MAF: variants seen among roughly 807,000 people sequenced by gnomAD.
MAF encodes the protein transcription factor Maf.
A neutral mutation model predicts 22.0 loss-of-function variants in MAF; 10 were observed. That is an observed-to-expected ratio of 0.45 (90% CI 0.28 to 0.77). The LOEUF is 0.77. MAF is among the 30% of genes least tolerant of loss of function. MAF has a pLI of 0.12. For synonymous variants in MAF, 337 were observed against 255.8 expected, an observed-to-expected ratio of 1.32 and a Z score of -3.03; for missense variants, 544 against 548.4, an observed-to-expected ratio of 0.99 and a Z score of 0.08.
At chr16:79,209,143 T>C in the MAF span, among the ~76,000 whole-genome samples, 4 of 152,202 alleles carry the variant, frequency 2.6e-5, no homozygotes, top group Non-Finnish European at 5.9e-5. Context: ...GATAAAAAGT[T>C]AGGCTTTTCA....
the MAF span, among the ~76,000 whole-genome samples, chr16:79,214,043 C>T: frequency 6.6e-6 from 1 of 152,178 alleles, no homozygotes; most frequent in Non-Finnish European, 1.5e-5. Flanking sequence ...TTTGCTGTTT[C>T]CTCTGCTGAA....
At chr16:79,419,454 C>A in the MAF span, among the ~76,000 whole-genome samples, 7 of 152,190 alleles carry the variant, frequency 4.6e-5, no homozygotes, top group African/African-American at 7.2e-5. Flanking sequence ...TGATTCTGTC[C>A]TCAGTCGCCT....
At chr16:79,263,842 G>T in the MAF span, among the ~76,000 whole-genome samples, 7 of 152,250 alleles carry the variant, frequency 4.6e-5, no homozygotes, top group Non-Finnish European at 1.0e-4. Context: ...GAACAGGCAT[G>T]AAGCAATCTC....
chr16:79,419,022 G>A, the MAF span, among the ~76,000 whole-genome samples: 2 of 152,208 alleles, frequency 1.3e-5, no homozygotes, highest in East Asian at 3.9e-4. Flanking sequence ...CTATATCACA[G>A]ACATTTATTA....
chr16:79,224,191 C>A, the MAF span, among the ~76,000 whole-genome samples: 1 of 152,204 alleles, frequency 6.6e-6, no homozygotes, highest in Non-Finnish European at 1.5e-5. Context: ...CCCTGGGATG[C>A]AAGGCTGGTT....
chr16:79,219,142 G>C, the MAF span, among the ~76,000 whole-genome samples: 1 of 152,196 alleles, frequency 6.6e-6, no homozygotes, highest in Non-Finnish European at 1.5e-5. Context: ...TTTCAAAACA[G>C]AGTTACGCAA....
the MAF span, among the ~76,000 whole-genome samples, chr16:79,535,010 C>T: frequency 6.6e-6 from 1 of 152,172 alleles, no homozygotes; most frequent in South Asian, 2.1e-4. Flanking sequence ...GTAAACTGCT[C>T]TTACATCAAA....
the MAF span, among the ~76,000 whole-genome samples, chr16:79,311,300 T>G: frequency 4.6e-5 from 7 of 152,116 alleles, no homozygotes; most frequent in East Asian, 1.4e-3. Context: ...GTTTGCACCT[T>G]CTGGCTCCAG....
chr16:79,457,878 G>A, the MAF span, among the ~76,000 whole-genome samples: 12 of 152,090 alleles, frequency 7.9e-5, no homozygotes, highest in Non-Finnish European at 1.8e-4. Context: ...CCCACAGTAT[G>A]AGAAAGAAAA....
the MAF span, among the ~76,000 whole-genome samples, chr16:79,517,767 G>A: frequency 2.2e-4 from 33 of 152,088 alleles, no homozygotes; most frequent in Non-Finnish European, 3.8e-4. Context: ...TAGAGACAGG[G>A]TTTCACCATG....
the MAF span, among the ~76,000 whole-genome samples, chr16:79,564,213 T>G: frequency 9.2e-5 from 14 of 152,188 alleles, no homozygotes; most frequent in Non-Finnish European, 1.9e-4. Context: ...TTAGCAATTT[T>G]TTGTTTTGTT....
At chr16:79,305,838 T>A in the MAF span, among the ~76,000 whole-genome samples, 1 of 152,204 alleles carries the variant, frequency 6.6e-6, no homozygotes, top group Non-Finnish European at 1.5e-5. Context: ...GAGAATCACG[T>A]TGCCAGACCA....
chr16:79,329,543 T>C, the MAF span, among the ~76,000 whole-genome samples: 5 of 151,950 alleles, frequency 3.3e-5, no homozygotes, highest in African/African-American at 7.2e-5. Context: ...CCCCCAAAAT[T>C]AAAAAAACTG....
chr16:79,394,600 G>A, the MAF span, among the ~76,000 whole-genome samples: 2 of 152,122 alleles, frequency 1.3e-5, no homozygotes, highest in Non-Finnish European at 2.9e-5. Context: ...TTTAAAATGG[G>A]TCAATATCAG....
chr16:79,407,157 G>A, the MAF span, among the ~76,000 whole-genome samples: 1 of 152,152 alleles, frequency 6.6e-6, no homozygotes, highest in Admixed American at 6.5e-5. Context: ...GCACAGTCCT[G>A]AACATTAACC....
the MAF span, among the ~76,000 whole-genome samples, chr16:79,410,078 C>T: frequency 4.6e-5 from 7 of 152,196 alleles, no homozygotes; most frequent in African/African-American, 1.4e-4. Flanking sequence ...AGAGTCTTGG[C>T]GAATCCCAGT....
At chr16:79,285,901 A>T in the MAF span, among the ~76,000 whole-genome samples, 12 of 152,202 alleles carry the variant, frequency 7.9e-5, no homozygotes, top group African/African-American at 2.9e-4. Flanking sequence ...TTCCCACTGC[A>T]CAACTGGCTG....
the MAF span, among the ~76,000 whole-genome samples, chr16:79,329,052 C>G: frequency 1.3e-5 from 2 of 149,362 alleles, no homozygotes; most frequent in Non-Finnish European, 3.0e-5. Context: ...CCCACTCACT[C>G]CGCAACTTGC....
At chr16:79,322,542 G>C in the MAF span, among the ~76,000 whole-genome samples, 3 of 152,176 alleles carry the variant, frequency 2.0e-5, no homozygotes, top group African/African-American at 7.2e-5. Context: ...CCTCCTATGA[G>C]CCAGACATTG....
Sources: gnomAD v4.1 joint callset for allele counts (sites outside exome capture counted in the v4.1 genomes callset) on GRCh38, gnomAD v4.1.1 for gene constraint, MANE v1.5 for transcripts, NCBI Gene and HGNC (gene_info 2026-07-23, HGNC 2026-07-21) for gene names.